BNC2: variants seen among roughly 807,000 people sequenced by gnomAD.
BNC2 encodes the protein zinc finger protein basonuclin-2.
In BNC2, 20 loss-of-function variants were observed where a neutral mutation model predicts 76.3. The observed-to-expected ratio is 0.26, with a 90% CI of 0.18 to 0.38. The LOEUF is 0.38. Among genes scored for constraint, BNC2 ranks in the 10% least tolerant of loss-of-function variants. The pLI, the probability that BNC2 is intolerant of heterozygous loss-of-function variation, is 1.00. For missense variants in BNC2, 1,382 were observed against 1,399.8 expected, an observed-to-expected ratio of 0.99 and a Z score of 0.20; for synonymous variants, 582 against 514.8, an observed-to-expected ratio of 1.13 and a Z score of -1.77.
At chr9:16,797,667 G>C (rs145050398) in intron 1 of BNC2, among the ~76,000 whole-genome samples, 1 of 152,120 alleles carries the variant, frequency 6.6e-6, no homozygotes, top group Non-Finnish European at 1.5e-5. Flanking sequence ...AGATGAGATT[G>C]AGTCTGTCAA....
At chr9:16,430,878 C>T (rs1445487405) in intron 6 of BNC2, among the ~76,000 whole-genome samples, 1 of 152,214 alleles carries the variant, frequency 6.6e-6, no homozygotes. Flanking sequence ...AAGGTTCACA[C>T]TTGACACCAA....
At chr9:16,671,930 C>A (rs1318905672) in intron 3 of BNC2, among the ~76,000 whole-genome samples, 1 of 152,184 alleles carries the variant, frequency 6.6e-6, no homozygotes, top group East Asian at 1.9e-4. Context: ...TGAAAATATA[C>A]CTGTACATAC....
intron 5 of BNC2, among the ~76,000 whole-genome samples, chr9:16,473,922 TTAAG>T (rs770861443): frequency 3.0e-4 from 45 of 152,060 alleles, no homozygotes; most frequent in Non-Finnish European, 6.0e-4. Flanking sequence ...ACGATGATGA[TTAAG>T]TACTTAAAAG....
chr9:16,524,826 C>G (rs1026815323), intron 5 of BNC2, among the ~76,000 whole-genome samples: 1 of 152,166 alleles, frequency 6.6e-6, no homozygotes, highest in Admixed American at 6.5e-5. Flanking sequence ...GCAATCCCAG[C>G]ACTTTGGGAG....
intron 3 of BNC2, among the ~76,000 whole-genome samples, chr9:16,592,875 A>C (rs1213511263): frequency 2.0e-5 from 3 of 152,164 alleles, no homozygotes; most frequent in Non-Finnish European, 2.9e-5. Context: ...AAGAAATTTT[A>C]CTGTTGCTTA....
chr9:16,482,929 C>G (rs1032755600), intron 5 of BNC2, among the ~76,000 whole-genome samples: 1 of 152,146 alleles, frequency 6.6e-6, no homozygotes, highest in African/African-American at 2.4e-5. Flanking sequence ...TGACTAACAC[C>G]CCAACTATCC....
intron 3 of BNC2, among the ~76,000 whole-genome samples, chr9:16,658,972 C>T (rs1822015090): frequency 6.6e-6 from 1 of 152,212 alleles, no homozygotes; most frequent in African/African-American, 2.4e-5. Flanking sequence ...GATACACAAA[C>T]CATTGATCAT....
At chr9:16,635,260 G>A (rs1821288922) in intron 3 of BNC2, among the ~76,000 whole-genome samples, 1 of 152,130 alleles carries the variant, frequency 6.6e-6, no homozygotes, top group African/African-American at 2.4e-5. Context: ...AGCACCATCA[G>A]AAATTATCTT....
intron 4 of BNC2, chr9:16,580,267 C>G (rs1025333227): frequency 2.5e-6 from 1 of 397,550 alleles, no homozygotes; most frequent in Admixed American, 4.4e-5. Context: ...TGTATTTGGC[C>G]TCATGAATGG....
intron 4 of BNC2, among the ~76,000 whole-genome samples, chr9:16,582,134 C>T (rs919735325): frequency 1.3e-5 from 2 of 152,040 alleles, no homozygotes; most frequent in Non-Finnish European, 2.9e-5. Context: ...AGGCAATACC[C>T]GGGGCTGTCA....
intron 3 of BNC2, among the ~76,000 whole-genome samples, chr9:16,668,437 C>T (rs192543192): frequency 1.3e-5 from 2 of 152,214 alleles, no homozygotes; most frequent in Admixed American, 1.3e-4. Context: ...TGTCATTCTC[C>T]GATATGATCT....
chr9:16,772,912 A>C (rs1212057558), intron 1 of BNC2, among the ~76,000 whole-genome samples: 1 of 152,230 alleles, frequency 6.6e-6, no homozygotes, highest in African/African-American at 2.4e-5. Flanking sequence ...AGCCTAACTG[A>C]AGTGGCAAGA....
intron 5 of BNC2, among the ~76,000 whole-genome samples, 174 bp downstream of exon 5, chr9:16,552,356 C>T (rs551607748): frequency 7.2e-5 from 11 of 152,128 alleles, no homozygotes; most frequent in Non-Finnish European, 1.3e-4. Flanking sequence ...GCCTGAGGCC[C>T]GATGGTGGCC....
intron 5 of BNC2, among the ~76,000 whole-genome samples, chr9:16,536,136 T>C (rs1273094628): frequency 6.6e-6 from 1 of 152,186 alleles, no homozygotes. Flanking sequence ...TACTAATATA[T>C]GCTTTACTCA....
At chr9:16,670,748 C>T (rs1822451803) in intron 3 of BNC2, among the ~76,000 whole-genome samples, 1 of 152,164 alleles carries the variant, frequency 6.6e-6, no homozygotes, top group Non-Finnish European at 1.5e-5. Flanking sequence ...GTGAACTCAC[C>T]TGAGAAGTAC....
intron 5 of BNC2, among the ~76,000 whole-genome samples, chr9:16,454,615 T>C (rs967911914): frequency 1.3e-5 from 2 of 152,232 alleles, no homozygotes; most frequent in African/African-American, 4.8e-5. Context: ...TTATGAATTA[T>C]GCTGTTCTTA....
At chr9:16,866,630 T>C (rs1186285540) in intron 1 of BNC2, among the ~76,000 whole-genome samples, 1 of 149,962 alleles carries the variant, frequency 6.7e-6, no homozygotes, top group Non-Finnish European at 1.5e-5. Context: ...CCTTGACTGT[T>C]CTTGTAGAAA....
At chr9:16,842,910 C>T (rs377385961) in intron 1 of BNC2, among the ~76,000 whole-genome samples, 35 of 152,286 alleles carry the variant, frequency 2.3e-4, no homozygotes, top group African/African-American at 7.9e-4. Context: ...CACCACCACA[C>T]CCAACTAATT....
chr9:16,832,061 A>T (rs114643297), intron 1 of BNC2, among the ~76,000 whole-genome samples: 3,223 of 152,324 alleles, frequency 0.021, 112 homozygotes, highest in African/African-American at 0.073. Flanking sequence ...AAAAACTAAT[A>T]GGACAATCAG....
Sources: gnomAD v4.1 joint callset for allele counts (sites outside exome capture counted in the v4.1 genomes callset) on GRCh38, gnomAD v4.1.1 for gene constraint, MANE v1.5 for transcripts, NCBI Gene and HGNC (gene_info 2026-07-23, HGNC 2026-07-21) for gene names.